POU2AF2: variants seen among roughly 807,000 people sequenced by gnomAD.
The protein encoded by POU2AF2 is POU class 2 homeobox associating factor 2, also known as POU domain class 2-associating factor 2.
the POU2AF2 span, among the ~76,000 whole-genome samples, chr11:111,246,600 T>G: frequency 6.6e-6 from 1 of 152,224 alleles, no homozygotes; most frequent in African/African-American, 2.4e-5. Flanking sequence ...CTTCAAAGTC[T>G]GATCTCAAAA....
At chr11:111,277,954 C>T in the POU2AF2 span, among the ~76,000 whole-genome samples, 1 of 152,322 alleles carries the variant, frequency 6.6e-6, no homozygotes, top group Admixed American at 6.5e-5. Context: ...AATACAAGTG[C>T]ATCTGTGATT....
At chr11:111,254,630 A>G in the POU2AF2 span, among the ~76,000 whole-genome samples, 1 of 152,150 alleles carries the variant, frequency 6.6e-6, no homozygotes, top group East Asian at 1.9e-4. Context: ...TCTTTTCTCC[A>G]ATGCACCATA....
the POU2AF2 span, among the ~76,000 whole-genome samples, chr11:111,277,325 TAG>T: frequency 6.6e-6 from 1 of 152,210 alleles, no homozygotes; most frequent in African/African-American, 2.4e-5. Flanking sequence ...GAAATCTTTG[TAG>T]AGTCTTCTGG....
At chr11:111,285,802 G>T in the POU2AF2 span, 5 of 1,609,048 alleles carry the variant, frequency 3.1e-6, no homozygotes, top group South Asian at 3.3e-5. Context: ...CAAGCTGGGG[G>T]TCATCCCTGG....
At chr11:111,285,487 T>C in the POU2AF2 span, among the ~76,000 whole-genome samples, 5 of 152,180 alleles carry the variant, frequency 3.3e-5, no homozygotes, top group African/African-American at 4.8e-5. Flanking sequence ...AGGAAAACTT[T>C]CACTGCTGGT....
chr11:111,272,736 A>G, the POU2AF2 span, among the ~76,000 whole-genome samples: 2 of 152,228 alleles, frequency 1.3e-5, no homozygotes, highest in Non-Finnish European at 2.9e-5. Flanking sequence ...TATTTCTGGA[A>G]ACTACCACAA....
the POU2AF2 span, among the ~76,000 whole-genome samples, chr11:111,280,057 A>AAAAATATATAT: frequency 9.4e-4 from 72 of 76,446 alleles, no homozygotes; most frequent in African/African-American, 3.4e-3. Context: ...AAAAAAAAAA[A>AAAAATATATAT]ATATATATAT....
the POU2AF2 span, among the ~76,000 whole-genome samples, chr11:111,255,046 A>G: frequency 6.6e-6 from 1 of 152,154 alleles, no homozygotes; most frequent in African/African-American, 2.4e-5. Context: ...TTTCTTCACC[A>G]TCCTCAGTAA....
chr11:111,250,911 A>G, the POU2AF2 span, among the ~76,000 whole-genome samples: 39 of 152,268 alleles, frequency 2.6e-4, no homozygotes, highest in South Asian at 5.6e-3. Flanking sequence ...AAGCAAGGAG[A>G]TGAGTCTTAG....
At chr11:111,279,972 T>C in the POU2AF2 span, among the ~76,000 whole-genome samples, 9 of 137,986 alleles carry the variant, frequency 6.5e-5, no homozygotes, top group Admixed American at 6.2e-4. Flanking sequence ...ATCCGGGAGG[T>C]GGAAGTTGCA....
the POU2AF2 span, among the ~76,000 whole-genome samples, chr11:111,277,568 A>G: frequency 6.6e-6 from 1 of 152,242 alleles, no homozygotes; most frequent in Non-Finnish European, 1.5e-5. Context: ...AGGCAGAGCC[A>G]CTCCAGCTGA....
the POU2AF2 span, among the ~76,000 whole-genome samples, chr11:111,264,557 AAAGAAAGAAAGAAAGAAAGG>A: frequency 0.039 from 2,481 of 62,822 alleles, 286 homozygotes; most frequent in Middle Eastern, 0.065. Context: ...AGAAAGAAAG[AAAGAAAGAAAGAAAGAAAGG>A]GAGAGAGAAA....
chr11:111,249,930 AC>A, the POU2AF2 span, among the ~76,000 whole-genome samples: 1 of 152,304 alleles, frequency 6.6e-6, no homozygotes, highest in Admixed American at 6.5e-5. Flanking sequence ...TTCTCTTGCT[AC>A]AAAGTCTTCC....
At chr11:111,283,361 C>CT in the POU2AF2 span, among the ~76,000 whole-genome samples, 1 of 151,964 alleles carries the variant, frequency 6.6e-6, no homozygotes, top group African/African-American at 2.4e-5. Flanking sequence ...CCAAGGGAAA[C>CT]TTTATGTAGC....
At chr11:111,247,612 C>A in the POU2AF2 span, among the ~76,000 whole-genome samples, 7 of 151,740 alleles carry the variant, frequency 4.6e-5, no homozygotes, top group Admixed American at 4.6e-4. Context: ...ATGGTGAAAC[C>A]CCCATCTCTA....
chr11:111,270,011 T>G, the POU2AF2 span, among the ~76,000 whole-genome samples: 1 of 152,212 alleles, frequency 6.6e-6, no homozygotes, highest in African/African-American at 2.4e-5. Context: ...TTATTAATTT[T>G]TGTTAAATAG....
the POU2AF2 span, among the ~76,000 whole-genome samples, chr11:111,270,432 T>G: frequency 6.6e-6 from 1 of 152,198 alleles, no homozygotes; most frequent in Non-Finnish European, 1.5e-5. Context: ...CACCTAAGGC[T>G]GGTGATAATG....
the POU2AF2 span, among the ~76,000 whole-genome samples, chr11:111,276,448 AAAAAAAT>A: frequency 1.9e-5 from 1 of 52,810 alleles, no homozygotes; most frequent in African/African-American, 6.5e-5. Flanking sequence ...AGAAAAAAAA[AAAAAAAT>A]ATATATATAT....
chr11:111,278,556 G>GTCTCTCTC, the POU2AF2 span, among the ~76,000 whole-genome samples: 5 of 148,452 alleles, frequency 3.4e-5, no homozygotes, highest in South Asian at 2.2e-4. Context: ...CTCTCTCTCT[G>GTCTCTCTC]TCTCTCTCTC....
Sources: allele counts gnomAD v4.1 joint callset (sites outside exome capture counted in the v4.1 genomes callset), GRCh38; gene constraint gnomAD v4.1.1; transcripts MANE v1.5; gene names NCBI Gene and HGNC (gene_info 2026-07-23, HGNC 2026-07-21).